The following DAB1 variants were observed in gnomAD, a reference collection of about 807,000 sequenced individuals.
The protein encoded by DAB1 is DAB adaptor protein 1.
DAB1 carries 15 observed loss-of-function variants against 64.6 expected under a neutral mutation model. The observed-to-expected ratio is 0.23, with a 90% CI of 0.16 to 0.36. The LOEUF (loss-of-function observed/expected upper bound fraction) is 0.36. DAB1 is among the 10% of genes least tolerant of loss of function. The probability of loss-of-function intolerance (pLI) is 1.00; values close to 1 mark genes in which losing one functional copy is unlikely to be tolerated. For synonymous variants in DAB1, 235 were observed against 251.9 expected, an observed-to-expected ratio of 0.93 and a Z score of 0.64; for missense variants, 596 against 706.7, an observed-to-expected ratio of 0.84 and a Z score of 1.78.
At chr1:58,403,305 A>AG (rs1644588939) in intron 3 of DAB1, among the ~76,000 whole-genome samples, 1 of 151,958 alleles carries the variant, frequency 6.6e-6, no homozygotes, top group South Asian at 2.1e-4. Context: ...GCCAAAAAAA[A>AG]AAAAATCACT....
chr1:57,603,382 G>C (rs1645598472), intron 7 of DAB1, among the ~76,000 whole-genome samples: 1 of 152,118 alleles, frequency 6.6e-6, no homozygotes, highest in African/African-American at 2.4e-5. Context: ...TTTTCCTATA[G>C]CCCGGAAGAG....
chr1:57,682,747 G>A (rs1353687482), intron 6 of DAB1, among the ~76,000 whole-genome samples: 2 of 152,238 alleles, frequency 1.3e-5, no homozygotes, highest in Non-Finnish European at 1.5e-5. Context: ...TTTGTGTGGG[G>A]GGAAGCTCCA....
At position 57,390,539 on chromosome 1, in the gene DAB1, T is replaced by C. The variant is rs148145094; in HGVS notation, c.-137+33391A>G. On this transcript the variant is annotated intron_variant, in intron 1 of 14. Transcript: ENST00000371236. The stretch of plus-strand genomic sequence containing the variant: ...CTTCTGCAAGCAAGTGTCCCAACTT[T>C]ATTCCAGTGGCATGGATAATCAGAG... Among the ~76,000 whole-genome samples, 114 of 152,328 alleles carry C rather than the reference T, an allele frequency of 7.5e-4. 3 individuals carry two copies. In the East Asian group the frequency reaches 0.02, roughly 27 times the overall value.
chr1:57,971,961 G>A (rs772900425), intron 5 of DAB1, among the ~76,000 whole-genome samples: 1 of 152,108 alleles, frequency 6.6e-6, no homozygotes, highest in African/African-American at 2.4e-5. Flanking sequence ...ATCCCCCAAG[G>A]GGTTTTAGAC....
At chr1:57,605,974 C>T (rs1645631318) in intron 7 of DAB1, 18 of 682,130 alleles carry the variant, frequency 2.6e-5, no homozygotes, top group South Asian at 2.3e-4. Flanking sequence ...CTGGAAACGA[C>T]CTCATGTCTT....
chr1:57,665,291 G>A (rs979396130), intron 6 of DAB1, among the ~76,000 whole-genome samples: 1 of 152,042 alleles, frequency 6.6e-6, no homozygotes, highest in Non-Finnish European at 1.5e-5. Flanking sequence ...ACAAAATTTG[G>A]TGGCTTTTTA....
chr1:57,222,579 GA>G (rs746832817), intron 2 of DAB1, among the ~76,000 whole-genome samples: 1 of 152,140 alleles, frequency 6.6e-6, no homozygotes, highest in Admixed American at 6.5e-5. Context: ...GAAATGGGGA[GA>G]AAGCTCTTGT....
chr1:57,406,124 A>T (rs1683619449), intron 1 of DAB1, among the ~76,000 whole-genome samples: 1 of 152,178 alleles, frequency 6.6e-6, no homozygotes, highest in Non-Finnish European at 1.5e-5. Context: ...CCTGATGGAG[A>T]ACGTTGATTT....
At chr1:57,393,786 A>G (rs1420566765) in intron 1 of DAB1, among the ~76,000 whole-genome samples, 2 of 152,216 alleles carry the variant, frequency 1.3e-5, no homozygotes, top group East Asian at 1.9e-4. Flanking sequence ...TGTATTTTCT[A>G]TGGCTACTTT....
At chr1:57,287,937 A>T (rs1247240951) in intron 2 of DAB1, among the ~76,000 whole-genome samples, 1 of 152,100 alleles carries the variant, frequency 6.6e-6, no homozygotes, top group Non-Finnish European at 1.5e-5. Flanking sequence ...CTGGGATTAC[A>T]GGTGCGTGCC....
At chr1:58,373,000 C>T (rs1252842298) in intron 3 of DAB1, among the ~76,000 whole-genome samples, 1 of 152,022 alleles carries the variant, frequency 6.6e-6, no homozygotes, top group African/African-American at 2.4e-5. Context: ...AGAAAAAAAC[C>T]TGAAAGCAAA....
intron 4 of DAB1, among the ~76,000 whole-genome samples, chr1:58,204,142 C>T (rs1301806424): frequency 6.6e-6 from 1 of 152,140 alleles, no homozygotes; most frequent in African/African-American, 2.4e-5. Flanking sequence ...CCTATATGAA[C>T]ACACAACCTA....
intron 2 of DAB1, among the ~76,000 whole-genome samples, chr1:57,261,337 C>T (rs1051742156): frequency 6.6e-6 from 1 of 152,118 alleles, no homozygotes; most frequent in Non-Finnish European, 1.5e-5. Flanking sequence ...ATGAGAGATG[C>T]TAGAGGTTAA....
At chr1:57,547,911 A>T (rs1644873059) in intron 7 of DAB1, among the ~76,000 whole-genome samples, 1 of 152,204 alleles carries the variant, frequency 6.6e-6, no homozygotes, top group South Asian at 2.1e-4. Context: ...TTGTCCCAAC[A>T]AGCAGATCAA....
Position 58,128,952 on chromosome 1 carries a change from C to T in DAB1, n.387+21559G>A, listed in dbSNP as rs1174053086. Among the ~76,000 whole-genome samples, 430 of 144,110 alleles carry T rather than the reference C, an allele frequency of 3.0e-3. 2 individuals carry two copies. Among genetic ancestry groups the T allele is most frequent in the African/African-American group, 0.011 (409 of 38,358 alleles). The allele number at this position is 144,110 out of a possible 152,430, so 94.5% of individuals were successfully genotyped here. A position where few individuals can be genotyped will look rare whatever the true frequency, so the allele number is the denominator to read the frequency against. On this transcript the variant is annotated intron_variant and non_coding_transcript_variant, in intron 5 of 20. Coordinates refer to the DAB1 transcript ENST00000485760. ...TTGTGTCTCTGCCCGGCTTTGGTAT[C>T]AGAATGATGCTGGCCTCATAAAATG...
chr1:57,234,335 C>A (rs999460367), intron 2 of DAB1, among the ~76,000 whole-genome samples: 8 of 152,116 alleles, frequency 5.3e-5, no homozygotes, highest in Non-Finnish European at 8.8e-5. Flanking sequence ...AATATTCCCA[C>A]CCTGACTCTC....
At position 57,971,511 on chromosome 1, in the gene DAB1, C is replaced by A. The variant is rs114662060; in HGVS notation, n.388-87349G>T. Among the ~76,000 whole-genome samples the A allele has an allele frequency of 8.7e-3, 1,328 of 152,284 alleles. 16 individuals are homozygous for A. Among genetic ancestry groups the A allele is most frequent in the African/African-American group, 0.03 (1,259 of 41,556 alleles). ...ATTCCAGCCTCAGCAATTCCACTTG[C>A]CAGCTTGGCAACATCAGGCCAGTTG... On this transcript the variant is annotated intron_variant and non_coding_transcript_variant, in intron 5 of 20. Coordinates refer to the DAB1 transcript ENST00000485760.
At chr1:57,379,281 T>C (rs1341220863) in intron 1 of DAB1, among the ~76,000 whole-genome samples, 1 of 152,166 alleles carries the variant, frequency 6.6e-6, no homozygotes, top group Non-Finnish European at 1.5e-5. Flanking sequence ...CTTAGATAGA[T>C]GATCTGTAAG....
intron 7 of DAB1, among the ~76,000 whole-genome samples, chr1:57,642,117 T>G (rs1646137824): frequency 1.3e-5 from 2 of 152,166 alleles, no homozygotes; most frequent in Non-Finnish European, 2.9e-5. Context: ...TTTTAAGTTC[T>G]CAGAGCTAGG....
Sources: allele counts gnomAD v4.1 joint callset (sites outside exome capture counted in the v4.1 genomes callset), GRCh38; gene constraint gnomAD v4.1.1; transcripts MANE v1.5; gene names NCBI Gene and HGNC (gene_info 2026-07-23, HGNC 2026-07-21).